Variants in NCSTN observed in about 807,000 individuals in gnomAD.
NCSTN encodes anterior pharynx-defective 2.
In NCSTN, 22 loss-of-function variants were observed where a neutral mutation model predicts 87.0. That is an observed-to-expected ratio of 0.25 (90% CI 0.18 to 0.36). NCSTN has a LOEUF of 0.36. NCSTN is among the 10% of genes least tolerant of loss of function. The pLI is 1.00. For synonymous variants in NCSTN, 306 were observed against 327.1 expected (o/e 0.94, Z 0.69); for missense variants, 693 against 883.3 (o/e 0.78, Z 2.73).
chr1:160,349,703 G>A (rs1390703441), intron 4 of NCSTN, 33 bp downstream of exon 4: 1 of 1,612,060 alleles, frequency 6.2e-7, no homozygotes, highest in Non-Finnish European at 8.5e-7. Context: ...AGAGCCTACT[G>A]TCACCTAAGG....
chr1:160,353,701 C>G (rs933036979), intron 10 of NCSTN: 1 of 985,262 alleles, frequency 1.0e-6, no homozygotes, highest in Non-Finnish European at 1.2e-6. Flanking sequence ...GCAATTCCAG[C>G]CTTCAGCATC....
Position 160,349,652 on chromosome 1 carries a change from T to C in NCSTN, c.418T>C (p.Cys140Arg). 1.2e-6 allele frequency: 2 copies of C among 1,614,042 alleles called. No individual in the cohort carries two copies. The highest frequency in any genetic ancestry group is 1.3e-5 in the African/African-American group (1 of 75,030). ...CTCAGGCTTCTCTCCTAGTGTACAGTGCCCAAATGATGGGTTTGGTAAGTG... is the reference window on the plus strand; with the variant it reads ...CTCAGGCTTCTCTCCTAGTGTACAGCGCCCAAATGATGGGTTTGGTAAGTG... ...PASGFSPSVQ[C>R]PNDGFGVYSN... Residue 140 changes from cysteine (C) to arginine (R), a missense_variant, in exon 4 of 17, where the codon TGC becomes CGC. Transcript: ENST00000294785.
At chr1:160,343,553 T>A (rs11806650) in intron 1 of NCSTN, 72 bp downstream of exon 1, 3 of 1,404,032 alleles carry the variant, frequency 2.1e-6, no homozygotes, top group Non-Finnish European at 3.0e-6. Context: ...CGACCGCCAC[T>A]GTCTCCCTTC....
intron 5 of NCSTN, 113 bp from the exon 6 acceptor site, chr1:160,351,109 G>A (rs1357724040): frequency 9.9e-6 from 11 of 1,105,676 alleles, no homozygotes; most frequent in South Asian, 2.6e-5. Flanking sequence ...AAATGTCTCC[G>A]AAAAGGGTGT....
In NCSTN at chr1:160,354,244, A is replaced by G. The variant is rs376279013; in HGVS notation, c.1306A>G (p.Ile436Val). The change falls in exon 11 of 17, where the codon ATC (isoleucine) becomes GTC (valine). Residue 436 changes from isoleucine (I) to valine (V), a missense_variant. By Grantham distance (29) the Ile-to-Val change is conservative. Transcript: ENST00000294785. ...SLQRFLRARN[I>V]SGVVLADHSG... ...GCAGCGATTTCTTCGAGCTCGAAAC[A>G]TCTCTGGCGTTGTTCTGGCTGACCA... The G allele has an allele frequency of 6.2e-7, 1 of 1,613,994 alleles. No individual in the cohort carries two copies. Among genetic ancestry groups the G allele is most frequent in the African/African-American group, 1.3e-5 (1 of 74,876 alleles).
chr1:160,351,968 G>C lies in NCSTN; in HGVS notation c.844-86G>C, dbSNP rs1186378061. The stretch of plus-strand genomic sequence containing the variant: ...GGTTGTCTCCATTGCCACAGGACAG[G>C]TATATTCTCTTGACTGGAGCAAGAA... On this transcript the variant is annotated intron_variant, in intron 7 of 16. Transcript: ENST00000294785. 10 of 1,553,514 alleles carry C rather than the reference G, an allele frequency of 6.4e-6. No homozygotes were observed. In the Admixed American group the frequency reaches 1.3e-4, roughly 21 times the overall value.
At position 160,343,413 on chromosome 1, in the gene NCSTN, G is replaced by C. The variant is rs1243549103; in HGVS notation, c.17G>C (p.Gly6Ala). Residue 6 changes from glycine to alanine, a missense_variant, in exon 1 of 17, where the codon GGT becomes GCT. Gly to Ala is a moderately conservative substitution (Grantham distance 60). Around this residue, in one of 4 missense-constraint regions of NCSTN, gnomAD observed 235 missense variants for 233.9 expected, o/e 1.00. Coordinates refer to ENST00000294785, the MANE Select transcript of NCSTN (RefSeq NM_015331.3). MATAGGGSGADPGSRG... is the reference protein window; with the variant it reads MATAGAGSGADPGSRG... The stretch of plus-strand genomic sequence containing the variant: ...AGAGGCAAGATGGCTACGGCAGGGG[G>C]TGGCTCTGGGGCTGACCCGGGAAGT... The C allele has an allele frequency of 1.2e-6, 2 of 1,613,022 alleles. No individual in the cohort carries two copies. Among genetic ancestry groups the C allele is most frequent in the East Asian group, 2.2e-5 (1 of 44,844 alleles).
Position 160,343,424 on chromosome 1 carries a change from G to A in NCSTN, c.28G>A (p.Ala10Thr), listed in dbSNP as rs1648210105. ...GGCTACGGCAGGGGGTGGCTCTGGG[G>A]CTGACCCGGGAAGTCGGGGTCTCCT... MATAGGGSG[A>T]DPGSRGLLRL... The change falls in exon 1 of 17, where the codon GCT becomes ACT. Residue 10 changes from alanine (A) to threonine (T), a missense_variant. Ala to Thr is a moderately conservative substitution (Grantham distance 58). Around this residue, in one of 4 missense-constraint regions of NCSTN, gnomAD observed 235 missense variants for 233.9 expected, o/e 1.00. Transcript: ENST00000294785. The A allele has an allele frequency of 1.2e-6, 2 of 1,612,676 alleles. No homozygotes were observed. The highest frequency in any genetic ancestry group is 1.7e-6 in the Non-Finnish European group (2 of 1,179,720).
chr1:160,353,081 T>G, intron 9 of NCSTN, 79 bp from the exon 10 acceptor site: 1 of 1,578,636 alleles, frequency 6.3e-7, no homozygotes, highest in South Asian at 1.1e-5. Context: ...CCACCGCCTC[T>G]TCCCTTGACT....
intron 1 of NCSTN, 109 bp downstream of exon 1, chr1:160,343,590 C>CA (rs1336890897): frequency 2.0e-5 from 21 of 1,035,352 alleles, no homozygotes; most frequent in Admixed American, 2.0e-5. Context: ...TCTGTCCCCC[C>CA]ACCCTGTAAA....
At chr1:160,352,352 CT>C in intron 8 of NCSTN, 146 bp downstream of exon 8, 1 of 981,296 alleles carries the variant, frequency 1.0e-6, no homozygotes, top group Non-Finnish European at 1.5e-6. Flanking sequence ...TGTGTCTCCC[CT>C]TTAGATTCCT....
chr1:160,347,473 A>G (rs527891198), intron 2 of NCSTN, among the ~76,000 whole-genome samples: 1 of 152,272 alleles, frequency 6.6e-6, no homozygotes, highest in African/African-American at 2.4e-5. Flanking sequence ...GAGGTAGAAA[A>G]CCTCATTGAA....
chr1:160,343,538 C>T (rs1648236278), intron 1 of NCSTN, 57 bp downstream of exon 1: 4 of 1,473,128 alleles, frequency 2.7e-6, no homozygotes, highest in African/African-American at 1.4e-5. Flanking sequence ...GGATCGGCCC[C>T]GCCGCGACCG....
At position 160,358,234 on chromosome 1, in the gene NCSTN, T is replaced by C; in HGVS notation, c.2093T>C (p.Phe698Ser). ...ATCAATGCCAAAGCTGATGTCCTTT[T>C]CATTGCTCCCCGGGAGCCAGGAGCT... The part of the protein sequence containing the change: ...YCINAKADVL[F>S]IAPREPGAVS... The change falls in exon 17 of 17, where the codon TTC becomes TCC. Residue 698 changes from phenylalanine (F) to serine (S), a missense_variant. This residue lies in a region of NCSTN where 216 missense variants were observed against 311.7 expected (regional missense o/e 0.69). Coordinates refer to ENST00000294785, the MANE Select transcript of NCSTN (RefSeq NM_015331.3). 6.2e-7 allele frequency: 1 copy of C among 1,614,156 alleles called. No individual in the cohort carries two copies.
Position 160,353,206 on chromosome 1 carries a change from T to C in NCSTN, c.1148T>C (p.Val383Ala). Residue 383 changes from valine to alanine, a missense_variant, in exon 10 of 17, where the codon GTT becomes GCT. Transcript: ENST00000294785. ...SLELWMHTDP[V>A]SQKNESVRNQ... The stretch of plus-strand genomic sequence containing the variant: ...GAGCTTTGGATGCACACAGATCCTG[T>C]TTCTCAGAAAAATGAGTCTGTACGG... The C allele has an allele frequency of 6.2e-7, 1 of 1,614,108 alleles. No individual in the cohort carries two copies. Among genetic ancestry groups the C allele is most frequent in the Non-Finnish European group, 8.5e-7 (1 of 1,180,014 alleles).
Position 160,355,723 on chromosome 1 carries a change from A to G in NCSTN, c.1421A>G (p.Glu474Gly), listed in dbSNP as rs756488435. The G allele has an allele frequency of 6.2e-7, 1 of 1,614,184 alleles. No individual in the cohort carries two copies. The highest frequency in any genetic ancestry group is 1.1e-5 in the South Asian group (1 of 91,088). The stretch of plus-strand genomic sequence containing the variant: ...AGCTATCCCGAATGGCTGAGCCCTG[A>G]AGAGGACCTGAACTTTGTAACAGAC... ...NVSYPEWLSP[E>G]EDLNFVTDTA... is the part of the protein sequence containing the mutation. Residue 474 changes from glutamate to glycine, a missense_variant, in exon 12 of 17, where the codon GAA (glutamate) becomes GGA (glycine). Physicochemically the swap from Glu to Gly is moderately conservative, Grantham distance 98. Transcript: ENST00000294785.
chr1:160,345,661 G>T (rs894697262), intron 2 of NCSTN, among the ~76,000 whole-genome samples: 1 of 151,938 alleles, frequency 6.6e-6, no homozygotes, highest in African/African-American at 2.4e-5. Context: ...TAGGCTGGGC[G>T]CAGTGGCACA....
At chr1:160,344,957 G>A (rs1203540380) in intron 2 of NCSTN, 131 bp downstream of exon 2, 8 of 794,604 alleles carry the variant, frequency 1.0e-5, no homozygotes, top group Non-Finnish European at 1.7e-5. Flanking sequence ...ACAGATAACC[G>A]TCTGTCAAGC....
At chr1:160,354,349 TG>T (rs1465577482) in intron 11 of NCSTN, 59 bp downstream of exon 11, 2 of 1,581,364 alleles carry the variant, frequency 1.3e-6, no homozygotes, top group Non-Finnish European at 1.7e-6. Flanking sequence ...TTCTGCAGTC[TG>T]GGAGGAAGGT....
Sources: allele counts gnomAD v4.1 joint callset (sites outside exome capture counted in the v4.1 genomes callset), GRCh38; gene constraint gnomAD v4.1.1; regional missense constraint gnomAD v4.1.1; transcripts MANE v1.5; gene names NCBI Gene and HGNC (gene_info 2026-07-23, HGNC 2026-07-21).